FYN: variants seen among roughly 807,000 people sequenced by gnomAD.
FYN encodes FYN proto-oncogene, Src family tyrosine kinase.
In FYN, 10 loss-of-function variants were observed where a neutral mutation model predicts 70.2. The observed-to-expected ratio is 0.14, with a 90% CI of 0.09 to 0.24. The LOEUF (loss-of-function observed/expected upper bound fraction) is 0.24, where lower values mean the gene tolerates loss of function less well. Ranked by LOEUF, FYN falls within the 10% of genes least tolerant of loss-of-function variation. FYN has a pLI of 1.00. For missense variants in FYN, 319 were observed against 673.1 expected (o/e 0.47, Z 5.82); for synonymous variants, 236 against 248.6 (o/e 0.95, Z 0.48).
At chr6:111,817,895 G>A (rs1772540207) in intron 2 of FYN, among the ~76,000 whole-genome samples, 1 of 152,114 alleles carries the variant, frequency 6.6e-6, no homozygotes, top group Admixed American at 6.5e-5. Context: ...CTCCACTGGG[G>A]CACTGTCTGG....
intron 2 of FYN, among the ~76,000 whole-genome samples, chr6:111,786,499 G>A (rs1562520784): frequency 6.6e-6 from 1 of 152,186 alleles, no homozygotes; most frequent in African/African-American, 2.4e-5. Flanking sequence ...TTGCTATTGT[G>A]AATAGTGCCG....
At chr6:111,740,541 CAG>C (rs1031262574) in intron 3 of FYN, among the ~76,000 whole-genome samples, 1 of 152,186 alleles carries the variant, frequency 6.6e-6, no homozygotes, top group African/African-American at 2.4e-5. Context: ...CTATGACAGT[CAG>C]AGTCATCTTT....
At chr6:111,722,230 C>T (rs1313520875) in intron 3 of FYN, among the ~76,000 whole-genome samples, 1 of 152,196 alleles carries the variant, frequency 6.6e-6, no homozygotes, top group Admixed American at 6.5e-5. Context: ...GAGACGCCTA[C>T]TGCTTGAGCT....
chr6:111,854,551 T>A (rs148017386), intron 1 of FYN, among the ~76,000 whole-genome samples: 1 of 152,330 alleles, frequency 6.6e-6, no homozygotes, highest in East Asian at 1.9e-4. Flanking sequence ...AAGTTATAGG[T>A]TAGGCATACA....
intron 3 of FYN, among the ~76,000 whole-genome samples, chr6:111,732,198 A>G (rs928260694): frequency 6.6e-6 from 1 of 152,216 alleles, no homozygotes; most frequent in Admixed American, 6.5e-5. Flanking sequence ...ACCAGCATAC[A>G]TTCTGCGAAC....
chr6:111,761,553 G>C (rs1341905780), intron 3 of FYN, among the ~76,000 whole-genome samples: 2 of 152,172 alleles, frequency 1.3e-5, no homozygotes, highest in Non-Finnish European at 2.9e-5. Context: ...AAAATGCCTT[G>C]GTTTCCTGGT....
At chr6:111,757,448 G>C (rs186594024) in intron 3 of FYN, among the ~76,000 whole-genome samples, 163 of 152,322 alleles carry the variant, frequency 1.1e-3, no homozygotes, top group Non-Finnish European at 2.0e-3. Flanking sequence ...AGGCGTTGTA[G>C]ATGGGGTTAC....
intron 3 of FYN, among the ~76,000 whole-genome samples, chr6:111,737,031 C>T (rs1801738815): frequency 6.6e-6 from 1 of 152,204 alleles, no homozygotes; most frequent in Non-Finnish European, 1.5e-5. Flanking sequence ...AACATGGTTG[C>T]TGGTTAATCA....
At chr6:111,859,697 G>A (rs1429035825) in intron 1 of FYN, among the ~76,000 whole-genome samples, 1 of 152,146 alleles carries the variant, frequency 6.6e-6, no homozygotes, top group Non-Finnish European at 1.5e-5. Context: ...GTTCTTGTCT[G>A]TTCTCTTTCC....
At chr6:111,777,357 C>CTTTTTTTTTTTTTTTTTT (rs1562517057) in intron 3 of FYN, among the ~76,000 whole-genome samples, 1 of 152,060 alleles carries the variant, frequency 6.6e-6, no homozygotes, top group African/African-American at 2.4e-5. Flanking sequence ...AAGATATTTC[C>CTTTTTTTTTTTTTTTTTT]ATTTTTAAAC....
intron 3 of FYN, among the ~76,000 whole-genome samples, chr6:111,747,195 A>G (rs530751840): frequency 4.6e-5 from 7 of 152,250 alleles, no homozygotes; most frequent in African/African-American, 1.7e-4. Context: ...AAGCATTTTC[A>G]GAATTCACCA....
At chr6:111,872,724 G>C (rs1562553477) in intron 1 of FYN, among the ~76,000 whole-genome samples, 1 of 151,920 alleles carries the variant, frequency 6.6e-6, no homozygotes, top group Non-Finnish European at 1.5e-5. Flanking sequence ...CCGCTTGCGG[G>C]CGAGGAAATG....
intron 3 of FYN, among the ~76,000 whole-genome samples, chr6:111,754,199 G>C (rs1303558600): frequency 6.6e-6 from 1 of 152,170 alleles, no homozygotes; most frequent in East Asian, 1.9e-4. Flanking sequence ...TCGTCTGTCT[G>C]AATGTGGAAC....
intron 1 of FYN, among the ~76,000 whole-genome samples, chr6:111,860,220 G>A (rs2114516778): frequency 6.6e-6 from 1 of 152,296 alleles, no homozygotes; most frequent in Non-Finnish European, 1.5e-5. Context: ...CCAGTAAAAG[G>A]TCTAACTTAA....
At chr6:111,820,902 T>G (rs1250007675) in intron 2 of FYN, among the ~76,000 whole-genome samples, 3 of 152,124 alleles carry the variant, frequency 2.0e-5, no homozygotes, top group Non-Finnish European at 4.4e-5. Flanking sequence ...CTATTTATGT[T>G]AAACAACAAC....
Position 111,774,875 on chromosome 6 carries a change from C to T in FYN, c.-12+5691G>A, listed in dbSNP as rs576645259. Among the ~76,000 whole-genome samples the T allele has an allele frequency of 2.0e-4, 31 of 152,276 alleles. 1 individual carries two copies. Among genetic ancestry groups the T allele is most frequent in the Admixed American group, 1.8e-3 (27 of 15,296 alleles). On this transcript the variant is annotated intron_variant, in intron 3 of 13. Transcript: ENST00000354650. ...CTGGAATTATAGGCGTGTGCCACCA[C>T]ATCCGGCTAACTTTTGCATTTTTAG...
intron 3 of FYN, among the ~76,000 whole-genome samples, chr6:111,729,750 C>T (rs1000410747): frequency 1.3e-5 from 2 of 152,122 alleles, no homozygotes; most frequent in Non-Finnish European, 2.9e-5. Flanking sequence ...GGAAGGATCA[C>T]ATGATTGCAA....
At chr6:111,779,372 G>T (rs911468720) in intron 3 of FYN, among the ~76,000 whole-genome samples, 2 of 152,074 alleles carry the variant, frequency 1.3e-5, no homozygotes, top group African/African-American at 2.4e-5. Flanking sequence ...TGAAGGCTAC[G>T]TAATAAGCAT....
intron 2 of FYN, chr6:111,819,798 T>C (rs1173164016): frequency 6.6e-6 from 1 of 152,118 alleles, no homozygotes; most frequent in African/African-American, 2.4e-5. Context: ...ATTAGTCTCA[T>C]CTCCCCCACT....
Sources: gnomAD v4.1 joint callset for allele counts (sites outside exome capture counted in the v4.1 genomes callset) on GRCh38, gnomAD v4.1.1 for gene constraint, MANE v1.5 for transcripts, NCBI Gene and HGNC (gene_info 2026-07-23, HGNC 2026-07-21) for gene names.